Variants in BFSP2 observed in about 807,000 individuals in gnomAD.
BFSP2 encodes the protein beaded filament structural protein 2.
BFSP2 carries 38 observed loss-of-function variants against 44.9 expected under a neutral mutation model. The ratio of observed to expected loss-of-function variants is 0.85; its 90% confidence interval spans 0.65 to 1.11. The LOEUF (loss-of-function observed/expected upper bound fraction) is 1.11. Ranked by LOEUF, BFSP2 falls within the 50% of genes least tolerant of loss-of-function variation. BFSP2 has a pLI of 0.00. For missense variants in BFSP2, 525 were observed against 533.0 expected (o/e 0.99, Z 0.15); for synonymous variants, 197 against 209.9 (o/e 0.94, Z 0.53).
chr3:133,473,063 G>A (rs1289160565), intron 6 of BFSP2, among the ~76,000 whole-genome samples: 4 of 151,802 alleles, frequency 2.6e-5, no homozygotes, highest in African/African-American at 9.7e-5. Flanking sequence ...GAATAGCTGG[G>A]GTTACAGGTG....
chr3:133,448,433 T>C, intron 2 of BFSP2, 56 bp from the exon 3 acceptor site: 1 of 1,601,044 alleles, frequency 6.2e-7, no homozygotes, highest in Non-Finnish European at 8.5e-7. Flanking sequence ...ATTTATAATC[T>C]GATTCTTTTT....
chr3:133,419,651 C>G (rs1314730784), intron 1 of BFSP2, among the ~76,000 whole-genome samples: 1 of 152,236 alleles, frequency 6.6e-6, no homozygotes, highest in Non-Finnish European at 1.5e-5. Flanking sequence ...GCAAGCACAT[C>G]TCTAACTGGA....
At chr3:133,409,732 CAAT>C (rs2073433073) in intron 1 of BFSP2, among the ~76,000 whole-genome samples, 1 of 152,168 alleles carries the variant, frequency 6.6e-6, no homozygotes, top group African/African-American at 2.4e-5. Context: ...GGTTGGGAAT[CAAT>C]AAGAATATTA....
intron 4 of BFSP2, among the ~76,000 whole-genome samples, chr3:133,453,869 T>A (rs184552051): frequency 1.5e-4 from 23 of 152,340 alleles, no homozygotes; most frequent in African/African-American, 5.3e-4. Flanking sequence ...CATAAAAAAA[T>A]TTATTAAGAG....
chr3:133,431,870 G>A lies in BFSP2; in HGVS notation c.490-15447G>A, dbSNP rs553551559. Among the ~76,000 whole-genome samples the A allele has an allele frequency of 1.1e-3, 174 of 152,032 alleles. 1 individual carries two copies. The highest frequency in any genetic ancestry group is 4.0e-3 in the African/African-American group (165 of 41,456). Reference sequence around the variant, plus strand: ...CTTTTTAGTTATCCCCACCTGCCCCGTTCCCTTATTAGGCCGAGACACTTT... The same window carrying A: ...CTTTTTAGTTATCCCCACCTGCCCCATTCCCTTATTAGGCCGAGACACTTT... On this transcript the variant is annotated intron_variant, in intron 1 of 6. Coordinates refer to ENST00000302334, the MANE Select transcript of BFSP2 (RefSeq NM_003571.4).
rs574462160 is a variant in BFSP2 at position 133,452,626 on chromosome 3, G to A, written c.891+2162G>A. Among the ~76,000 whole-genome samples, 41 of 152,288 alleles carry A rather than the reference G, an allele frequency of 2.7e-4. No individual in the cohort carries two copies. The South Asian group carries it at 5.4e-3, about 20-fold the overall frequency. ...CTAATTTTAGGTGTGAGGAAACTGAGACCCAGAGAGTGCAGGTGACTTCCC... is the reference window on the plus strand; with the variant it reads ...CTAATTTTAGGTGTGAGGAAACTGAAACCCAGAGAGTGCAGGTGACTTCCC... On this transcript the variant is annotated intron_variant, in intron 4 of 6. Transcript: ENST00000302334.
intron 1 of BFSP2, among the ~76,000 whole-genome samples, chr3:133,419,626 G>A (rs1056336991): frequency 1.3e-5 from 2 of 152,186 alleles, no homozygotes; most frequent in African/African-American, 4.8e-5. Flanking sequence ...GTCAGAAAGG[G>A]TGATTGATCC....
intron 4 of BFSP2, among the ~76,000 whole-genome samples, chr3:133,456,844 A>T (rs1472713454): frequency 6.6e-6 from 1 of 152,188 alleles, no homozygotes; most frequent in Non-Finnish European, 1.5e-5. Flanking sequence ...CTGCTCTATT[A>T]GAGGACAGCA....
intron 1 of BFSP2, among the ~76,000 whole-genome samples, chr3:133,420,837 A>G (rs889202059): frequency 6.6e-6 from 1 of 152,134 alleles, no homozygotes; most frequent in African/African-American, 2.4e-5. Context: ...TGTCCCTGGA[A>G]TCCACACTCC....
rs373687614 is a variant in BFSP2 at position 133,410,277 on chromosome 3, CT to C, written c.489+9707del. 180 of 382,178 alleles carry C rather than the reference CT, an allele frequency of 4.7e-4. 1 individual carries two copies. The East Asian group carries it at 0.015, about 31-fold the overall frequency. The allele number at this position is 382,178 out of a possible 1,614,324, so 23.7% of individuals were successfully genotyped here. ...TTCTGTCCCAGAAACAGTCCTCAGG[CT>C]TACAGAGTGGACATAGTAGCCAGTA... On this transcript the variant is annotated intron_variant, in intron 1 of 6. Coordinates refer to ENST00000302334, the MANE Select transcript of BFSP2 (RefSeq NM_003571.4).
chr3:133,412,914 C>T (rs2073470456), intron 1 of BFSP2, among the ~76,000 whole-genome samples: 1 of 152,190 alleles, frequency 6.6e-6, no homozygotes. Context: ...AATCCTCTGC[C>T]GCTGTGAGAA....
intron 6 of BFSP2, 93 bp downstream of exon 6, chr3:133,472,658 G>A: frequency 6.7e-7 from 1 of 1,482,060 alleles, no homozygotes; most frequent in Non-Finnish European, 9.2e-7. Context: ...TATTTAAGAA[G>A]AAATCACCCC....
intron 5 of BFSP2, 98 bp downstream of exon 5, chr3:133,467,057 A>G: frequency 1.3e-6 from 2 of 1,511,150 alleles, no homozygotes; most frequent in Non-Finnish European, 1.8e-6. Flanking sequence ...GGGGATTCCC[A>G]TCTCACAGCA....
rs533446869 is a variant in BFSP2, at chr3:133,424,548, T to C, written c.490-22769T>C. 1.8e-3 allele frequency among the ~76,000 whole-genome samples: 277 copies of C among 152,264 alleles called. 2 individuals carry two copies. The highest frequency in any genetic ancestry group is 6.2e-3 in the African/African-American group (256 of 41,538). On this transcript the variant is annotated intron_variant, in intron 1 of 6. Coordinates refer to ENST00000302334, the MANE Select transcript of BFSP2 (RefSeq NM_003571.4). ...TAATCTCTCCCACCTCCAGCTGCTT[T>C]ATCTGGAAAAGGAGAGTTATCATTC...
intron 1 of BFSP2, among the ~76,000 whole-genome samples, chr3:133,428,338 C>T (rs556154998): frequency 4.0e-5 from 6 of 150,492 alleles, no homozygotes; most frequent in East Asian, 1.9e-4. Flanking sequence ...CAAGCCAGGG[C>T]GCTGGGCTTT....
In BFSP2 at chr3:133,472,354, C is replaced by T; in HGVS notation, c.1033C>T (p.Leu345=). 6.2e-7 allele frequency: 1 copy of T among 1,612,338 alleles called. No individual in the cohort carries two copies. The highest frequency in any genetic ancestry group is 1.7e-5 in the Admixed American group (1 of 60,004). The change falls in exon 6 of 7, where the codon CTG becomes TTG. Residue 345 remains leucine, a synonymous_variant. Transcript: ENST00000302334. ...GTTCGCTCTTTTGTAGAAACGAGGC[C>T]TGGAGAACACCTTGCACGATGCCAA... is the stretch of plus-strand genomic sequence containing the variant. ...TESLRALKRG[L]ENTLHDAKHW... is the part of the protein sequence containing the mutation.
At chr3:133,469,474 C>A (rs983273733) in intron 5 of BFSP2, among the ~76,000 whole-genome samples, 2 of 152,238 alleles carry the variant, frequency 1.3e-5, no homozygotes, top group Non-Finnish European at 1.5e-5. Context: ...ACCTGCTGAA[C>A]TCTGTGTCCA....
At position 133,400,585 on chromosome 3, in the gene BFSP2, G is replaced by C. The variant is rs1406271056; in HGVS notation, c.489+13G>C. On this transcript the variant is annotated intron_variant, in intron 1 of 6. Transcript: ENST00000302334. The surrounding 1 kb of genome is among the most constrained non-coding windows in gnomAD (Gnocchi z 4.0). ...CAGCTGCCAGCAGGTAAGTGTCCAG[G>C]CTGTGCCAAGGGCTTTGCAGAGGGC... 5.1e-6 allele frequency: 8 copies of C among 1,584,138 alleles called. No homozygotes were observed. Among genetic ancestry groups the C allele is most frequent in the East Asian group, 2.3e-5 (1 of 43,308 alleles).
intron 1 of BFSP2, among the ~76,000 whole-genome samples, chr3:133,416,277 CT>C (rs1181803255): frequency 1.4e-5 from 2 of 147,356 alleles, no homozygotes; most frequent in Admixed American, 6.7e-5. Flanking sequence ...CTACTCACCC[CT>C]GTCCTCTGCC....
Sources: gnomAD v4.1 joint callset for allele counts (sites outside exome capture counted in the v4.1 genomes callset) on GRCh38, gnomAD v4.1.1 for gene constraint, Gnocchi (gnomAD v3.1) non-coding constraint, MANE v1.5 for transcripts, NCBI Gene and HGNC (gene_info 2026-07-23, HGNC 2026-07-21) for gene names.